Variants in TRIM26 observed in about 807,000 individuals in gnomAD.
The protein encoded by TRIM26 is tripartite motif-containing protein 26.
A neutral mutation model predicts 45.5 loss-of-function variants in TRIM26; 16 were observed. That is an observed-to-expected ratio of 0.35 (90% confidence interval 0.24 to 0.53). The LOEUF is 0.53. Ranked by LOEUF, TRIM26 falls within the 20% of genes least tolerant of loss-of-function variation. The pLI, the probability that TRIM26 is intolerant of heterozygous loss-of-function variation, is 0.92. For missense variants in TRIM26, 442 were observed against 691.1 expected (o/e 0.64, Z 4.04); for synonymous variants, 273 against 290.4 (o/e 0.94, Z 0.61).
At chr6:30,193,160 G>GTATATATATA (rs1343167817) in intron 6 of TRIM26, among the ~76,000 whole-genome samples, 5 of 33,166 alleles carry the variant, frequency 1.5e-4, no homozygotes, top group East Asian at 1.7e-3. Context: ...GTGTGTGTGT[G>GTATATATATA]TGTATATATA....
intron 1 of TRIM26, among the ~76,000 whole-genome samples, chr6:30,212,429 C>T (rs1410293097): frequency 7.2e-5 from 11 of 152,198 alleles, no homozygotes; most frequent in Non-Finnish European, 4.4e-5. Flanking sequence ...TTAACTGCAA[C>T]AAATGTACCA....
chr6:30,210,404 G>A (rs1778168821), intron 1 of TRIM26, among the ~76,000 whole-genome samples: 1 of 152,046 alleles, frequency 6.6e-6, no homozygotes, highest in South Asian at 2.1e-4. Context: ...CCAGTCCAGC[G>A]CATCCTTGAA....
rs560602854 is a variant in TRIM26, at chr6:30,189,356, C to T, written c.904+62G>A. ...CAAGGTGATGGAAAGGAGCTGGGTG[C>T]GCTCTTTCTACGAGGTAGCCCTGCT... On this transcript the variant is annotated intron_variant, in intron 8 of 9. Transcript: ENST00000454678. The surrounding 1 kb of genome is among the most constrained non-coding windows in gnomAD (Gnocchi z 5.0). 128 of 1,575,832 alleles carry T rather than the reference C, an allele frequency of 8.1e-5. 1 individual carries two copies. The East Asian group carries it at 9.6e-4, about 12-fold the overall frequency.
chr6:30,188,479 G>T, intron 9 of TRIM26: 1 of 272,568 alleles, frequency 3.7e-6, no homozygotes, highest in Non-Finnish European at 7.4e-6. Flanking sequence ...AAATTTGACG[G>T]TATTCACAGA....
At chr6:30,210,270 C>T (rs1778155441) in intron 1 of TRIM26, among the ~76,000 whole-genome samples, 1 of 151,950 alleles carries the variant, frequency 6.6e-6, no homozygotes, top group South Asian at 2.1e-4. Context: ...CCCAACTTAC[C>T]CATCCAGCCC....
chr6:30,187,924 A>G (rs1373108570), intron 9 of TRIM26, among the ~76,000 whole-genome samples: 1 of 134,574 alleles, frequency 7.4e-6, no homozygotes, highest in African/African-American at 3.0e-5. Flanking sequence ...TCTCAAAAAA[A>G]AAAAAAAAAA....
chr6:30,211,843 T>C (rs1303225705), intron 1 of TRIM26, among the ~76,000 whole-genome samples: 2 of 124,054 alleles, frequency 1.6e-5, no homozygotes, highest in Non-Finnish European at 3.7e-5. Flanking sequence ...ATTGAATAAA[T>C]TAATAAATTG....
intron 6 of TRIM26, among the ~76,000 whole-genome samples, chr6:30,191,673 G>C (rs988526273): frequency 1.3e-5 from 2 of 152,192 alleles, no homozygotes; most frequent in Non-Finnish European, 2.9e-5. Flanking sequence ...AGTTTGGGAA[G>C]AGTTGTGAGC....
In TRIM26 at chr6:30,185,773, G is replaced by T; in HGVS notation, c.*103C>A. The T allele has an allele frequency of 2.2e-6, 3 of 1,353,690 alleles. No homozygotes were observed. The highest frequency in any genetic ancestry group is 3.0e-6 in the Non-Finnish European group (3 of 997,702). 83.9% of individuals were successfully genotyped at this position (1,353,690 alleles called of 1,614,324 possible). On this transcript the variant is annotated 3_prime_UTR_variant, in exon 10 of 10. Transcript: ENST00000454678. The surrounding 1 kb of genome is among the most constrained non-coding windows in gnomAD (Gnocchi z 5.7). ...GCTACCAGTGGATATGGGGTCCCCT[G>T]CTCCAGGTGCTTAGGCCAGGCATCC...
Position 30,190,937 on chromosome 6 carries a change from A to G in TRIM26, c.766-902T>C, listed in dbSNP as rs909963009. 6.6e-6 allele frequency among the ~76,000 whole-genome samples: 1 copy of G among 152,218 alleles called. No individual in the cohort carries two copies. The highest frequency in any genetic ancestry group is 6.5e-5 in the Admixed American group (1 of 15,282). ...TATTCTGTTTGCGTCACTGTACAGC[A>G]GTGAGCCAAAACCCTAAGTGACCAC... On this transcript the variant is annotated intron_variant, in intron 6 of 9. Coordinates refer to ENST00000454678, the MANE Select transcript of TRIM26 (RefSeq NM_003449.5). The surrounding 1 kb of genome is among the most constrained non-coding windows in gnomAD (Gnocchi z 4.3).
intron 9 of TRIM26, chr6:30,187,476 T>TTTGGA: frequency 1.9e-6 from 1 of 523,478 alleles, no homozygotes; most frequent in Non-Finnish European, 3.9e-6. Context: ...TGCATGAAAT[T>TTTGGA]GTTTTGGAGT....
At position 30,190,566 on chromosome 6, in the gene TRIM26, A is replaced by G. The variant is rs954097380; in HGVS notation, c.766-531T>C. On this transcript the variant is annotated intron_variant, in intron 6 of 9. Coordinates refer to ENST00000454678, the MANE Select transcript of TRIM26 (RefSeq NM_003449.5). This position sits in a 1 kb window ranked among gnomAD's most constrained non-coding sequence, Gnocchi z 4.3. The stretch of plus-strand genomic sequence containing the variant: ...AGAACCCCCGGAGTTATTGCTGGTC[A>G]GGCGGCCACCTGGGAAGACTACATT... 2.6e-5 allele frequency among the ~76,000 whole-genome samples: 4 copies of G among 152,204 alleles called. No individual in the cohort carries two copies. The highest frequency in any genetic ancestry group is 1.5e-5 in the Non-Finnish European group (1 of 68,036).
intron 9 of TRIM26, chr6:30,188,387 C>A: frequency 2.6e-6 from 1 of 392,146 alleles, no homozygotes; most frequent in East Asian, 3.9e-5. Context: ...TTCAAGAAAC[C>A]CTGAACAGGT....
chr6:30,188,991 C>T (rs1309745444), intron 9 of TRIM26, among the ~76,000 whole-genome samples, 176 bp downstream of exon 9: 1 of 151,972 alleles, frequency 6.6e-6, no homozygotes, highest in Admixed American at 6.6e-5. Context: ...CTACTGCAGA[C>T]TAAAGAGTAG....
At position 30,189,032 on chromosome 6, in the gene TRIM26, G is replaced by A. The variant is rs1775519500; in HGVS notation, c.937+135C>T. The stretch of plus-strand genomic sequence containing the variant: ...TTAGAAAGTGCAAAGAGGGAGGGGG[G>A]CTTCTATTGTGCAGCTGGGAAATTC... On this transcript the variant is annotated intron_variant, in intron 9 of 9. Coordinates refer to ENST00000454678, the MANE Select transcript of TRIM26 (RefSeq NM_003449.5). The surrounding 1 kb of genome is among the most constrained non-coding windows in gnomAD (Gnocchi z 5.0). 2.2e-6 allele frequency: 2 copies of A among 914,772 alleles called. No homozygotes were observed. The highest frequency in any genetic ancestry group is 1.7e-6 in the Non-Finnish European group (1 of 591,022). The allele number at this position is 914,772 out of a possible 1,614,324, so 56.7% of individuals were successfully genotyped here.
At position 30,186,347 on chromosome 6, in the gene TRIM26, T is replaced by A. The variant is rs1293659726; in HGVS notation, c.1149A>T (p.Glu383Asp). ...EVEREGWSED[E>D]EEGDEEEEGE... is the part of the protein sequence containing the mutation. ...CCTCTTCCTCCTCATCCCCCTCTTC[T>A]TCATCCTCAGACCAGCCCTCCCTCT... Residue 383 changes from glutamate (E) to aspartate (D), a missense_variant, in exon 10 of 10, where the codon GAA (glutamate) becomes GAT (aspartate). Glu to Asp is a conservative substitution (Grantham distance 45, BLOSUM62 2). Transcript: ENST00000454678. This position sits in a 1 kb window ranked among gnomAD's most constrained non-coding sequence, Gnocchi z 7.4. The A allele has an allele frequency of 6.2e-7, 1 of 1,612,638 alleles. No homozygotes were observed. The highest frequency in any genetic ancestry group is 2.2e-5 in the East Asian group (1 of 44,888).
Position 30,207,941 on chromosome 6 carries a change from C to T in TRIM26, c.-375-3176G>A, listed in dbSNP as rs190402545. Among the ~76,000 whole-genome samples, 87 of 152,314 alleles carry T rather than the reference C, an allele frequency of 5.7e-4. No individual in the cohort carries two copies. The highest frequency in any genetic ancestry group is 2.0e-3 in the African/African-American group (84 of 41,558). ...TGGGTCCACATGTAGTCTAGTTATACAGCCCCAAAACACCCCATGCTGCAC... is the reference window on the plus strand; with the variant it reads ...TGGGTCCACATGTAGTCTAGTTATATAGCCCCAAAACACCCCATGCTGCAC... On this transcript the variant is annotated intron_variant, in intron 1 of 9. Coordinates refer to ENST00000454678, the MANE Select transcript of TRIM26 (RefSeq NM_003449.5). This position sits in a 1 kb window ranked among gnomAD's most constrained non-coding sequence, Gnocchi z 4.9.
rs9280914 is a variant in TRIM26 at position 30,188,217 on chromosome 6, C to CAAAAAAAAAAAAA, written c.937+937_937+949dup. On this transcript the variant is annotated intron_variant, in intron 9 of 9. Coordinates refer to ENST00000454678, the MANE Select transcript of TRIM26 (RefSeq NM_003449.5). The stretch of plus-strand genomic sequence containing the variant: ...CCTGGGCGACAGCGAGACTCCGTCT[C>CAAAAAAAAAAAAA]AAAAAAAAAAAAAAAAAAAAAAAAA... The CAAAAAAAAAAAAA allele has an allele frequency of 1.9e-3, 200 of 105,342 alleles. 2 individuals are homozygous for CAAAAAAAAAAAAA. Among genetic ancestry groups the CAAAAAAAAAAAAA allele is most frequent in the African/African-American group, 3.1e-3 (50 of 15,952 alleles). 6.5% of individuals were successfully genotyped at this position (105,342 alleles called of 1,614,324 possible).
In TRIM26 at chr6:30,186,902, A is replaced by AT. The variant is rs1775252824; in HGVS notation, c.938-345_938-344insA. The AT allele has an allele frequency of 2.0e-5, 13 of 661,110 alleles. No homozygotes were observed. Among genetic ancestry groups the AT allele is most frequent in the South Asian group, 1.2e-4 (7 of 58,732 alleles). The allele number at this position is 661,110 out of a possible 1,614,324, so 41.0% of individuals were successfully genotyped here. ...CATTAATATCATCCAAGTGTGGATC[A>AT]CCAGTCCCTGAAAAATCTGTTCCAT... On this transcript the variant is annotated intron_variant, in intron 9 of 9. Coordinates refer to ENST00000454678, the MANE Select transcript of TRIM26 (RefSeq NM_003449.5). The surrounding 1 kb of genome is among the most constrained non-coding windows in gnomAD (Gnocchi z 7.4).
Sources: gnomAD v4.1 joint callset for allele counts (sites outside exome capture counted in the v4.1 genomes callset) on GRCh38, gnomAD v4.1.1 for gene constraint, Gnocchi (gnomAD v3.1) non-coding constraint, MANE v1.5 for transcripts, NCBI Gene and HGNC (gene_info 2026-07-23, HGNC 2026-07-21) for gene names.